Variants in FBXL17 observed in about 807,000 individuals in gnomAD.
The protein encoded by FBXL17 is F-box/LRR-repeat protein 17.
A neutral mutation model predicts 66.2 loss-of-function variants in FBXL17; 22 were observed. That is an observed-to-expected ratio of 0.33 (90% CI 0.24 to 0.47). FBXL17 has a LOEUF of 0.47. Among genes scored for constraint, FBXL17 ranks in the 20% least tolerant of loss-of-function variants. FBXL17 has a pLI of 1.00. For synonymous variants in FBXL17, 474 were observed against 400.5 expected (o/e 1.18, Z -2.19); for missense variants, 878 against 948.2 (o/e 0.93, Z 0.97).
chr5:108,286,045 T>C (rs548455378), intron 4 of FBXL17, among the ~76,000 whole-genome samples: 2 of 152,046 alleles, frequency 1.3e-5, no homozygotes, highest in East Asian at 1.9e-4. Flanking sequence ...AAAAAACACA[T>C]GATTATCTCA....
chr5:108,314,276 T>C (rs2150204681), intron 4 of FBXL17, among the ~76,000 whole-genome samples: 1 of 151,844 alleles, frequency 6.6e-6, no homozygotes, highest in South Asian at 2.1e-4. Flanking sequence ...GCAACTGAAA[T>C]ACGCTCTTAA....
At chr5:108,149,647 A>G (rs1056318633) in intron 6 of FBXL17, among the ~76,000 whole-genome samples, 1 of 152,142 alleles carries the variant, frequency 6.6e-6, no homozygotes, top group African/African-American at 2.4e-5. Flanking sequence ...ACCACCTTAC[A>G]TTACATACCA....
At position 108,291,353 on chromosome 5, in the gene FBXL17, C is replaced by G. The variant is rs1465957573; in HGVS notation, c.1506+57046G>C. Among the ~76,000 whole-genome samples the G allele has an allele frequency of 5.9e-5, 9 of 152,170 alleles. No individual in the cohort carries two copies. In the East Asian group the frequency reaches 1.7e-3, roughly 29 times the overall value. ...CCTCTAAGTTTGTAAGTATTCAGAA[C>G]AGCCAGGTCATCACGTGCTCTGCTT... On this transcript the variant is annotated intron_variant, in intron 4 of 8. Coordinates refer to ENST00000542267, the MANE Select transcript of FBXL17 (RefSeq NM_001163315.3).
At chr5:108,259,198 G>A (rs1756707718) in intron 4 of FBXL17, among the ~76,000 whole-genome samples, 1 of 152,012 alleles carries the variant, frequency 6.6e-6, no homozygotes. Context: ...TGATATAAGA[G>A]GAAATCAGGT....
intron 4 of FBXL17, among the ~76,000 whole-genome samples, chr5:108,294,299 A>G (rs1457047845): frequency 6.7e-6 from 1 of 148,254 alleles, no homozygotes; most frequent in African/African-American, 2.5e-5. Context: ...AAAAATATAT[A>G]TATATACACT....
intron 3 of FBXL17, among the ~76,000 whole-genome samples, chr5:108,354,493 AC>A (rs1747839949): frequency 6.6e-6 from 1 of 152,110 alleles, no homozygotes. Flanking sequence ...GAACCACAGA[AC>A]AACTACAAAA....
At chr5:108,037,756 T>C (rs1457013487) in intron 6 of FBXL17, among the ~76,000 whole-genome samples, 3 of 152,210 alleles carry the variant, frequency 2.0e-5, no homozygotes, top group South Asian at 2.1e-4. Context: ...ATAAATGCTG[T>C]ATGTAAAGAG....
intron 5 of FBXL17, among the ~76,000 whole-genome samples, chr5:108,219,928 C>CTTTTTTCT (rs1754780711): frequency 2.7e-5 from 1 of 37,432 alleles, no homozygotes; most frequent in Admixed American, 3.5e-4. Context: ...TTACTATTTC[C>CTTTTTTCT]TTTTTTTTTT....
At chr5:107,872,906 CAA>C (rs1365147075) in intron 8 of FBXL17, among the ~76,000 whole-genome samples, 16 of 152,256 alleles carry the variant, frequency 1.1e-4, no homozygotes, top group Admixed American at 1.0e-3. Flanking sequence ...AAATGGAAGA[CAA>C]GAGACAAACA....
chr5:107,947,413 C>T (rs1751350701), intron 7 of FBXL17, among the ~76,000 whole-genome samples: 1 of 152,366 alleles, frequency 6.6e-6, no homozygotes, highest in East Asian at 1.9e-4. Flanking sequence ...GCAACTTTGG[C>T]TCACCTTGAC....
chr5:108,192,148 C>T (rs945607503), intron 5 of FBXL17, among the ~76,000 whole-genome samples: 1 of 152,100 alleles, frequency 6.6e-6, no homozygotes, highest in Non-Finnish European at 1.5e-5. Flanking sequence ...CATAATGGTG[C>T]CCCCAGTGTT....
intron 6 of FBXL17, among the ~76,000 whole-genome samples, chr5:108,156,834 A>G (rs1752015140): frequency 6.6e-6 from 1 of 151,958 alleles, no homozygotes; most frequent in African/African-American, 2.4e-5. Flanking sequence ...CAAGAATAAT[A>G]ATTTGTTTCT....
chr5:108,237,933 T>C (rs1464307261), intron 4 of FBXL17, among the ~76,000 whole-genome samples: 2 of 152,240 alleles, frequency 1.3e-5, no homozygotes, highest in East Asian at 3.8e-4. Flanking sequence ...TTATACTTAT[T>C]AGAAGCCTTA....
chr5:108,174,523 T>C (rs1009857174), intron 6 of FBXL17, among the ~76,000 whole-genome samples: 4 of 152,234 alleles, frequency 2.6e-5, no homozygotes, highest in Non-Finnish European at 2.9e-5. Flanking sequence ...CTTTCACAAC[T>C]TGATGTTCTG....
At chr5:108,039,829 A>C (rs1247640012) in intron 6 of FBXL17, among the ~76,000 whole-genome samples, 2 of 152,144 alleles carry the variant, frequency 1.3e-5, no homozygotes, top group Admixed American at 1.3e-4. Flanking sequence ...CATCTCAAAG[A>C]TGTTAGAAAA....
At chr5:108,305,959 T>C (rs1005831777) in intron 4 of FBXL17, among the ~76,000 whole-genome samples, 15 of 152,088 alleles carry the variant, frequency 9.9e-5, no homozygotes, top group Non-Finnish European at 1.9e-4. Flanking sequence ...CATAAATTTA[T>C]ATCAAAACCC....
At chr5:108,239,525 A>T (rs1160489971) in intron 4 of FBXL17, among the ~76,000 whole-genome samples, 1 of 152,184 alleles carries the variant, frequency 6.6e-6, no homozygotes, top group Non-Finnish European at 1.5e-5. Flanking sequence ...TGCCCTAGCC[A>T]GAGGGGAATT....
intron 7 of FBXL17, among the ~76,000 whole-genome samples, chr5:107,953,241 A>C (rs1445019466): frequency 6.6e-6 from 1 of 151,982 alleles, no homozygotes; most frequent in African/African-American, 2.4e-5. Flanking sequence ...TCTCTACTAA[A>C]AATACAAAAA....
rs968800396 is a variant in FBXL17 at position 108,306,212 on chromosome 5, T to TG, written c.1506+42186dup. Among the ~76,000 whole-genome samples the TG allele has an allele frequency of 3.9e-5, 6 of 152,202 alleles. No homozygotes were observed. The East Asian group carries it at 1.2e-3, about 29-fold the overall frequency. ...ATTATAATTCTACTTTTTAGATATA[T>TG]GGGGGAAAATACACTTCCAACTGCC... On this transcript the variant is annotated intron_variant, in intron 4 of 8. Transcript: ENST00000542267.
Sources: gnomAD v4.1 joint callset for allele counts (sites outside exome capture counted in the v4.1 genomes callset) on GRCh38, gnomAD v4.1.1 for gene constraint, MANE v1.5 for transcripts, NCBI Gene and HGNC (gene_info 2026-07-23, HGNC 2026-07-21) for gene names.